TMEM233: variants seen among roughly 807,000 people sequenced by gnomAD.
The protein encoded by TMEM233 is dispanin subfamily B member 2.
In TMEM233, 6 loss-of-function variants were observed where a neutral mutation model predicts 11.2. That is an observed-to-expected ratio of 0.54 (90% CI 0.29 to 1.06). The LOEUF (loss-of-function observed/expected upper bound fraction) is 1.06, where lower values mean the gene tolerates loss of function less well. Among genes scored for constraint, TMEM233 ranks in the 50% least tolerant of loss-of-function variants. The probability of loss-of-function intolerance (pLI) is 0.08; values close to 1 mark genes in which losing one functional copy is unlikely to be tolerated. For missense variants in TMEM233, 127 were observed against 144.7 expected, an observed-to-expected ratio of 0.88 and a Z score of 0.63; for synonymous variants, 59 against 55.8, an observed-to-expected ratio of 1.06 and a Z score of -0.26.
chr12:119,597,904 G>T lies in TMEM233; in HGVS notation c.186+3870G>T, dbSNP rs142766470. Among the ~76,000 whole-genome samples the T allele has an allele frequency of 1.7e-3, 265 of 152,304 alleles. 3 individuals carry two copies. The highest frequency in any genetic ancestry group is 3.4e-3 in the Middle Eastern group (1 of 294). The stretch of plus-strand genomic sequence containing the variant: ...TCCTGGTAGCTCATATTGCATCGTT[G>T]TGTGAATTTGAATATGGCACATTTT... On this transcript the variant is annotated intron_variant, in intron 1 of 2. Transcript: ENST00000426426.
intron 1 of TMEM233, among the ~76,000 whole-genome samples, chr12:119,601,513 C>A (rs1021354299): frequency 7.9e-5 from 12 of 151,984 alleles, no homozygotes; most frequent in African/African-American, 2.9e-4. Flanking sequence ...AAAAAATTAG[C>A]CAGGCGTGGT....
chr12:119,647,896 T>C (rs1955175710), downstream of TMEM233, among the ~76,000 whole-genome samples: 1 of 151,144 alleles, frequency 6.6e-6, no homozygotes, highest in Admixed American at 6.6e-5. Flanking sequence ...AAACTTTTAA[T>C]GATACCCCGC....
intron 1 of TMEM233, among the ~76,000 whole-genome samples, chr12:119,605,409 C>CTTTTTTTTTTTTTT (rs6144897): frequency 1.1e-5 from 1 of 93,626 alleles, no homozygotes; most frequent in African/African-American, 3.7e-5. Flanking sequence ...TATGCCTTTC[C>CTTTTTTTTTTTTTT]TTTTTTTTTT....
chr12:119,653,116 G>A, the TMEM233 span, among the ~76,000 whole-genome samples: 18 of 152,082 alleles, frequency 1.2e-4, no homozygotes, highest in East Asian at 7.7e-4. Context: ...TCACTGGGCC[G>A]GGCACAGTGG....
intron 1 of TMEM233, among the ~76,000 whole-genome samples, chr12:119,624,476 C>T (rs541988541): frequency 6.6e-6 from 1 of 152,268 alleles, no homozygotes; most frequent in African/African-American, 2.4e-5. Context: ...ATATATATCC[C>T]TACAATGGAG....
chr12:119,638,754 G>T (rs923218323), intron 2 of TMEM233, among the ~76,000 whole-genome samples: 13 of 152,050 alleles, frequency 8.5e-5, no homozygotes, highest in South Asian at 2.1e-4. Flanking sequence ...CATGAAGACA[G>T]GGCCAGGTGC....
At chr12:119,615,163 C>A (rs1430389381) in intron 1 of TMEM233, among the ~76,000 whole-genome samples, 1 of 101,078 alleles carries the variant, frequency 9.9e-6, no homozygotes, top group African/African-American at 4.1e-5. Context: ...TCAGTCTACC[C>A]GCTTTCTGCT....
chr12:119,595,963 C>T lies in TMEM233; in HGVS notation c.186+1929C>T, dbSNP rs1954037535. ...TCAGCATCTAGAAGAAAATGTGGCA[C>T]GTGGTAGATGCTTAATAAGTATCAT... On this transcript the variant is annotated intron_variant, in intron 1 of 2. Coordinates refer to ENST00000426426, the MANE Select transcript of TMEM233 (RefSeq NM_001136534.3). This position sits in a 1 kb window ranked among gnomAD's most constrained non-coding sequence, Gnocchi z 4.3. Among the ~76,000 whole-genome samples the T allele has an allele frequency of 6.6e-6, 1 of 152,180 alleles. No homozygotes were observed. Among genetic ancestry groups the T allele is most frequent in the Admixed American group, 6.5e-5 (1 of 15,278 alleles).
At chr12:119,597,972 G>C (rs1395730160) in intron 1 of TMEM233, among the ~76,000 whole-genome samples, 1 of 152,190 alleles carries the variant, frequency 6.6e-6, no homozygotes, top group South Asian at 2.1e-4. Flanking sequence ...ATAGCTTGGT[G>C]AGGAGCACAA....
At chr12:119,643,739 G>T (rs1041507593), downstream of TMEM233, among the ~76,000 whole-genome samples, 12 of 151,518 alleles carry the variant, frequency 7.9e-5, no homozygotes, top group South Asian at 2.5e-3. Flanking sequence ...CTGCACTCCA[G>T]CCTGGGCGAC....
At chr12:119,648,646 G>A in the TMEM233 span, among the ~76,000 whole-genome samples, 1 of 152,170 alleles carries the variant, frequency 6.6e-6, no homozygotes, top group African/African-American at 2.4e-5. Context: ...CAGATCATGA[G>A]CCCCCATGAG....
intron 1 of TMEM233, among the ~76,000 whole-genome samples, chr12:119,597,213 C>A (rs1954066475): frequency 6.6e-6 from 1 of 152,206 alleles, no homozygotes; most frequent in Non-Finnish European, 1.5e-5. Context: ...TCAGTCCTGG[C>A]AATTTTCAAC....
intron 1 of TMEM233, among the ~76,000 whole-genome samples, chr12:119,597,316 C>T (rs1299290330): frequency 1.3e-5 from 2 of 152,208 alleles, no homozygotes; most frequent in Non-Finnish European, 2.9e-5. Context: ...CTAATGTCTG[C>T]CATGCTAGGG....
rs1953981823 is a variant in TMEM233, at chr12:119,594,214, C to G, written c.186+180C>G. 1 of 625,510 alleles carries G rather than the reference C, an allele frequency of 1.6e-6. No homozygotes were observed. Among genetic ancestry groups the G allele is most frequent in the South Asian group, 2.0e-5 (1 of 51,026 alleles). 38.7% of individuals were successfully genotyped at this position (625,510 alleles called of 1,614,324 possible). On this transcript the variant is annotated intron_variant, in intron 1 of 2. Transcript: ENST00000426426. This position sits in a 1 kb window ranked among gnomAD's most constrained non-coding sequence, Gnocchi z 5.6. The stretch of plus-strand genomic sequence containing the variant: ...GGGCTCTCAGAGCTCTCCCCGCAAT[C>G]ATCAGCACCTCCTCTGCACTCCTCG...
chr12:119,643,851 T>C (rs1408317014), downstream of TMEM233, among the ~76,000 whole-genome samples: 1 of 151,634 alleles, frequency 6.6e-6, no homozygotes, highest in Non-Finnish European at 1.5e-5. Context: ...GCAGAAAAAG[T>C]AGAGTTTACC....
At chr12:119,605,864 G>T (rs1954269799) in intron 1 of TMEM233, among the ~76,000 whole-genome samples, 1 of 152,020 alleles carries the variant, frequency 6.6e-6, no homozygotes, top group Non-Finnish European at 1.5e-5. Flanking sequence ...CTAGCTTTTG[G>T]CTCTAACCAT....
At chr12:119,644,484 T>C (rs866316743), downstream of TMEM233, among the ~76,000 whole-genome samples, 5,258 of 148,690 alleles carry the variant, frequency 0.035, 149 homozygotes, top group Middle Eastern at 0.059. Context: ...TTTTCTTTTT[T>C]TTTTTTTTTT....
chr12:119,648,357 G>C, the TMEM233 span, among the ~76,000 whole-genome samples: 1 of 152,216 alleles, frequency 6.6e-6, no homozygotes, highest in Admixed American at 6.5e-5. Flanking sequence ...CCAGCATCTA[G>C]ACTAGGGCTT....
chr12:119,628,334 T>C (rs1954804567), intron 1 of TMEM233, among the ~76,000 whole-genome samples: 1 of 151,582 alleles, frequency 6.6e-6, no homozygotes. Flanking sequence ...TAATTTTTTG[T>C]ATTTTCAGTA....
Sources: allele counts gnomAD v4.1 joint callset (sites outside exome capture counted in the v4.1 genomes callset), GRCh38; gene constraint gnomAD v4.1.1; non-coding constraint Gnocchi (gnomAD v3.1); transcripts MANE v1.5; gene names NCBI Gene and HGNC (gene_info 2026-07-23, HGNC 2026-07-21).